The following CAMK2B variants were observed in gnomAD, a reference collection of about 807,000 sequenced individuals.
CAMK2B encodes calcium/calmodulin dependent protein kinase II beta, also known as calcium/calmodulin-dependent protein kinase type II subunit beta.
CAMK2B carries 27 observed loss-of-function variants against 93.7 expected under a neutral mutation model. That is an observed-to-expected ratio of 0.29 (90% CI 0.21 to 0.40). The LOEUF (loss-of-function observed/expected upper bound fraction) is 0.40. Among genes scored for constraint, CAMK2B ranks in the 10% least tolerant of loss-of-function variants. CAMK2B has a pLI of 1.00. For missense variants in CAMK2B, 568 were observed against 895.8 expected (o/e 0.63, Z 4.67); for synonymous variants, 374 against 358.8 (o/e 1.04, Z -0.48).
At chr7:44,227,736 A>ACAGAGGAGGGTG (rs2096528332) in intron 19 of CAMK2B, among the ~76,000 whole-genome samples, 3 of 3,578 alleles carry the variant, frequency 8.4e-4, no homozygotes, top group African/African-American at 4.9e-3. Flanking sequence ...AGAGGGGTAT[A>ACAGAGGAGGGTG]TGGGGGACAG....
intron 6 of CAMK2B, among the ~76,000 whole-genome samples, chr7:44,245,601 A>G (rs2128980693): frequency 6.6e-6 from 1 of 152,156 alleles, no homozygotes; most frequent in South Asian, 2.1e-4. Flanking sequence ...CCCCGAGGGG[A>G]GCACCTGGGG....
In CAMK2B at chr7:44,217,686, T is replaced by TG. The variant is rs2096358265; in HGVS notation, c.*1838dup. On this transcript the variant is annotated 3_prime_UTR_variant, in exon 24 of 24. Coordinates refer to ENST00000395749, the MANE Select transcript of CAMK2B (RefSeq NM_001220.5). Reference sequence around the variant, plus strand: ...AGTGTTCATCGGTGGACAGTCCCCTTGGAGTTTAGGATCCTGTGTCCTGTT... The same window carrying TG: ...AGTGTTCATCGGTGGACAGTCCCCTTGGGAGTTTAGGATCCTGTGTCCTGTT... 1 of 152,290 alleles carries TG rather than the reference T, an allele frequency of 6.6e-6. No individual in the cohort carries two copies. The highest frequency in any genetic ancestry group is 2.4e-5 in the African/African-American group (1 of 41,460). 9.4% of individuals were successfully genotyped at this position (152,290 alleles called of 1,614,324 possible).
chr7:44,229,718 T>TGCCAGA (rs2096560511), intron 17 of CAMK2B: 3 of 449,200 alleles, frequency 6.7e-6, no homozygotes, highest in Non-Finnish European at 3.9e-6. Context: ...ACGGGACCGG[T>TGCCAGA]GCCAGAGCCA....
At chr7:44,296,971 G>C (rs1479409563) in intron 1 of CAMK2B, among the ~76,000 whole-genome samples, 1 of 152,138 alleles carries the variant, frequency 6.6e-6, no homozygotes, top group Non-Finnish European at 1.5e-5. Flanking sequence ...TCTACATAAA[G>C]AAAGGAAGAG....
intron 19 of CAMK2B, among the ~76,000 whole-genome samples, chr7:44,228,417 C>T (rs566843901): frequency 1.2e-4 from 19 of 152,184 alleles, no homozygotes; most frequent in African/African-American, 4.1e-4. Flanking sequence ...GGGCAGGGCC[C>T]CTGGGTGGGT....
chr7:44,274,871 AG>A (rs1341623529), intron 2 of CAMK2B, among the ~76,000 whole-genome samples: 1 of 151,882 alleles, frequency 6.6e-6, no homozygotes, highest in East Asian at 1.9e-4. Flanking sequence ...GAACCGGCAG[AG>A]CCTGGAAGTA....
chr7:44,315,880 C>T (rs1794721353), intron 1 of CAMK2B, among the ~76,000 whole-genome samples: 1 of 152,264 alleles, frequency 6.6e-6, no homozygotes, highest in East Asian at 1.9e-4. Flanking sequence ...CATTGAAATA[C>T]AATGGATTTT....
At chr7:44,273,469 C>A (rs115569968) in intron 2 of CAMK2B, among the ~76,000 whole-genome samples, 1 of 152,174 alleles carries the variant, frequency 6.6e-6, no homozygotes, top group South Asian at 2.1e-4. Context: ...AGGAAAACAA[C>A]GGTGGCCCCC....
chr7:44,250,389 G>T (rs1007024298), intron 5 of CAMK2B, among the ~76,000 whole-genome samples: 8 of 152,184 alleles, frequency 5.3e-5, no homozygotes, highest in African/African-American at 1.9e-4. Flanking sequence ...AACAGTTTAA[G>T]ATGTCACTTT....
Position 44,297,056 on chromosome 7 carries a change from T to G in CAMK2B, c.66-12831A>C, listed in dbSNP as rs549586821. Among the ~76,000 whole-genome samples, 4 of 152,342 alleles carry G rather than the reference T, an allele frequency of 2.6e-5. No individual in the cohort carries two copies. In the South Asian group the frequency reaches 8.3e-4, roughly 32 times the overall value. On this transcript the variant is annotated intron_variant, in intron 1 of 23. Coordinates refer to ENST00000395749, the MANE Select transcript of CAMK2B (RefSeq NM_001220.5). ...TTCATTGATCTAATAGATAACAATT[T>G]GTTCAAAATAATGATACTAACAGTG...
intron 2 of CAMK2B, among the ~76,000 whole-genome samples, chr7:44,268,401 A>G (rs1731127792): frequency 6.6e-6 from 1 of 152,086 alleles, no homozygotes; most frequent in Non-Finnish European, 1.5e-5. Flanking sequence ...ATCACAGAGG[A>G]AGGGGAGACA....
intron 1 of CAMK2B, among the ~76,000 whole-genome samples, chr7:44,301,645 C>T (rs60252863): frequency 0.024 from 3,711 of 151,988 alleles, 152 homozygotes; most frequent in African/African-American, 0.085. Flanking sequence ...GGCATGGTGG[C>T]GCATGCCTGT....
chr7:44,243,008 C>A (rs531271006), intron 8 of CAMK2B, among the ~76,000 whole-genome samples: 80 of 152,336 alleles, frequency 5.3e-4, no homozygotes, highest in African/African-American at 1.8e-3. Flanking sequence ...CTGGACCAGA[C>A]CTCTGCTGAG....
chr7:44,275,644 C>G (rs1052079157), intron 2 of CAMK2B, among the ~76,000 whole-genome samples: 53 of 152,230 alleles, frequency 3.5e-4, no homozygotes, highest in Admixed American at 2.0e-4. Flanking sequence ...GTGTGTCCCA[C>G]GCAATTTGGG....
intron 1 of CAMK2B, among the ~76,000 whole-genome samples, chr7:44,321,367 T>G (rs1796040755): frequency 6.6e-6 from 1 of 152,036 alleles, no homozygotes; most frequent in Admixed American, 6.5e-5. Context: ...TACCACTGGA[T>G]GGAGTCAAGG....
At chr7:44,273,647 T>C (rs2096997950) in intron 2 of CAMK2B, among the ~76,000 whole-genome samples, 1 of 152,102 alleles carries the variant, frequency 6.6e-6, no homozygotes, top group South Asian at 2.1e-4. Context: ...GCCGGGACAC[T>C]GGCTCAGGCC....
At chr7:44,313,848 A>T (rs1429518345) in intron 1 of CAMK2B, among the ~76,000 whole-genome samples, 1 of 151,284 alleles carries the variant, frequency 6.6e-6, no homozygotes, top group Non-Finnish European at 1.5e-5. Context: ...AGATGCTGTC[A>T]TCCGGCACCA....
upstream of CAMK2B, chr7:44,325,986 C>G (rs989618863): frequency 1.3e-5 from 2 of 152,374 alleles, no homozygotes; most frequent in Non-Finnish European, 2.9e-5. Flanking sequence ...TCACATAACA[C>G]AGAAGAGTGC....
chr7:44,256,577 T>A (rs1722169617), intron 4 of CAMK2B, among the ~76,000 whole-genome samples: 1 of 152,250 alleles, frequency 6.6e-6, no homozygotes, highest in South Asian at 2.1e-4. Flanking sequence ...AAAACCCACA[T>A]CTAGCCCAGG....
Sources: allele counts gnomAD v4.1 joint callset (sites outside exome capture counted in the v4.1 genomes callset), GRCh38; gene constraint gnomAD v4.1.1; transcripts MANE v1.5; gene names NCBI Gene and HGNC (gene_info 2026-07-23, HGNC 2026-07-21).